THADA: variants seen among roughly 807,000 people sequenced by gnomAD.
THADA encodes the protein THADA armadillo repeat containing.
Under a neutral mutation model 219.8 loss-of-function variants are expected in THADA, and 213 were observed. The observed-to-expected ratio is 0.97, with a 90% CI of 0.87 to 1.09. The LOEUF is 1.09. Among genes scored for constraint, THADA ranks in the 50% least tolerant of loss-of-function variants. THADA has a pLI of 0.00. For missense variants in THADA, 2,956 were observed against 2,311.3 expected, an observed-to-expected ratio of 1.28 and a Z score of -5.72; for synonymous variants, 1,018 against 828.9, an observed-to-expected ratio of 1.23 and a Z score of -3.92.
intron 26 of THADA, among the ~76,000 whole-genome samples, chr2:43,433,413 CAGCTACTCTGG>C: frequency 6.6e-6 from 1 of 152,016 alleles, no homozygotes; most frequent in South Asian, 2.1e-4. Flanking sequence ...CCTGTAATCC[CAGCTACTCTGG>C]AGGCTGAGGC....
chr2:43,564,652 G>T (rs537446625), intron 15 of THADA: 1 of 152,304 alleles, frequency 6.6e-6, no homozygotes, highest in East Asian at 1.9e-4. Context: ...GTGTTTTAGA[G>T]ACCATTTTTC....
chr2:43,255,049 A>C (rs565635437), intron 36 of THADA, among the ~76,000 whole-genome samples: 3 of 152,324 alleles, frequency 2.0e-5, no homozygotes, highest in African/African-American at 7.2e-5. Context: ...GAGTGTAACT[A>C]TTTAGTAAGT....
intron 4 of THADA, among the ~76,000 whole-genome samples, chr2:43,589,628 T>C (rs983287531): frequency 6.6e-6 from 1 of 152,134 alleles, no homozygotes; most frequent in African/African-American, 2.4e-5. Context: ...TGGAAGCTTA[T>C]CTATGAGGAT....
chr2:43,313,413 A>T (rs568328530), intron 31 of THADA, among the ~76,000 whole-genome samples: 9 of 152,344 alleles, frequency 5.9e-5, no homozygotes, highest in Admixed American at 5.9e-4. Flanking sequence ...TATTCCAGTT[A>T]AAACAAAATG....
intron 36 of THADA, among the ~76,000 whole-genome samples, chr2:43,251,929 C>T (rs1669842946): frequency 6.6e-6 from 1 of 152,118 alleles, no homozygotes. Context: ...GTGTTTCTTC[C>T]TCCTCCCGGC....
intron 29 of THADA, among the ~76,000 whole-genome samples, chr2:43,384,274 T>C (rs1672377768): frequency 6.6e-6 from 1 of 152,094 alleles, no homozygotes; most frequent in African/African-American, 2.4e-5. Context: ...TACTGAACAA[T>C]ATAGTCCTCC....
chr2:43,566,553 A>T (rs1698703301), intron 15 of THADA, 145 bp downstream of exon 15: 1 of 929,468 alleles, frequency 1.1e-6, no homozygotes, highest in Admixed American at 2.0e-5. Flanking sequence ...AGCAAATTTC[A>T]TTATGTACAA....
intron 27 of THADA, among the ~76,000 whole-genome samples, chr2:43,428,785 T>C (rs998439349): frequency 2.0e-5 from 3 of 152,182 alleles, no homozygotes; most frequent in African/African-American, 7.2e-5. Context: ...ATCATTTACA[T>C]AATTAGAGTA....
Position 43,291,778 on chromosome 2 carries a change from T to A in THADA, c.4938-10A>T, listed in dbSNP as rs1553373486. 1 of 1,536,782 alleles carries A rather than the reference T, an allele frequency of 6.5e-7. No individual in the cohort carries two copies. The highest frequency in any genetic ancestry group is 1.4e-5 in the African/African-American group (1 of 72,436). ...ACTCTGAATTTCAGATCTAGAAAAA[T>A]AAACAAACAAAAAAACAACACAAAA... On this transcript the variant is annotated splice_polypyrimidine_tract_variant and intron_variant, in intron 33 of 37. Coordinates refer to ENST00000405975, the MANE Select transcript of THADA (RefSeq NM_022065.5).
intron 36 of THADA, among the ~76,000 whole-genome samples, chr2:43,238,118 C>CAAAAAAAAAAAAAAAAAAAA (rs59802310): frequency 1.1e-4 from 3 of 28,282 alleles, no homozygotes; most frequent in Non-Finnish European, 1.9e-4. Flanking sequence ...GATTCCATCT[C>CAAAAAAAAAAAAAAAAAAAA]AAAAAAAAAA....
At chr2:43,503,911 G>A (rs956259164) in intron 24 of THADA, among the ~76,000 whole-genome samples, 4 of 152,078 alleles carry the variant, frequency 2.6e-5, no homozygotes, top group Admixed American at 2.6e-4. Flanking sequence ...AGCACAGGTA[G>A]AGCATCCCAA....
intron 26 of THADA, among the ~76,000 whole-genome samples, chr2:43,441,111 G>A (rs994847142): frequency 1.3e-5 from 2 of 152,202 alleles, no homozygotes; most frequent in African/African-American, 4.8e-5. Context: ...TTGTGGCCAT[G>A]CCTGATGGTG....
intron 28 of THADA, among the ~76,000 whole-genome samples, chr2:43,406,075 G>T (rs913860479): frequency 4.6e-5 from 7 of 152,220 alleles, no homozygotes; most frequent in Non-Finnish European, 1.0e-4. Flanking sequence ...GCTGCTGGGA[G>T]CTAGAAATCA....
intron 26 of THADA, among the ~76,000 whole-genome samples, chr2:43,459,703 G>A (rs896126141): frequency 6.6e-6 from 1 of 152,132 alleles, no homozygotes; most frequent in African/African-American, 2.4e-5. Flanking sequence ...GTGAATGTGA[G>A]GGACTGACTA....
At chr2:43,541,369 T>C (rs1165604179) in intron 20 of THADA, 53 bp from the exon 21 acceptor site, 1 of 1,596,156 alleles carries the variant, frequency 6.3e-7, no homozygotes, top group Non-Finnish European at 8.5e-7. Context: ...ATATCCCAGG[T>C]TTCTAAAAAC....
At chr2:43,232,553 G>A (rs1326598841) in intron 37 of THADA, among the ~76,000 whole-genome samples, 160 bp downstream of exon 37, 1 of 152,192 alleles carries the variant, frequency 6.6e-6, no homozygotes, top group Non-Finnish European at 1.5e-5. Context: ...CAGCCTAAGA[G>A]TGTCCCCGTG....
At chr2:43,544,807 C>T (rs949155283) in intron 20 of THADA, among the ~76,000 whole-genome samples, 2 of 151,500 alleles carry the variant, frequency 1.3e-5, no homozygotes, top group African/African-American at 2.4e-5. Flanking sequence ...GATATACAAT[C>T]ATGTCATCTG....
intron 35 of THADA, among the ~76,000 whole-genome samples, chr2:43,280,650 A>C (rs1034963180): frequency 2.6e-5 from 4 of 152,002 alleles, no homozygotes; most frequent in Non-Finnish European, 5.9e-5. Flanking sequence ...CCAAAAAAAC[A>C]AAAAACAAAA....
intron 36 of THADA, among the ~76,000 whole-genome samples, chr2:43,262,975 C>T (rs1671129149): frequency 6.6e-6 from 1 of 152,210 alleles, no homozygotes; most frequent in African/African-American, 2.4e-5. Context: ...CCACTTTCCT[C>T]CTTACGCCTG....
Sources: gnomAD v4.1 joint callset for allele counts (sites outside exome capture counted in the v4.1 genomes callset) on GRCh38, gnomAD v4.1.1 for gene constraint, MANE v1.5 for transcripts, NCBI Gene and HGNC (gene_info 2026-07-23, HGNC 2026-07-21) for gene names.